The following GPR107 variants were observed in gnomAD, a reference collection of about 807,000 sequenced individuals.
GPR107 encodes the protein protein GPR107.
A neutral mutation model predicts 75.5 loss-of-function variants in GPR107; 31 were observed. The observed-to-expected ratio is 0.41, with a 90% CI of 0.31 to 0.55. The LOEUF (loss-of-function observed/expected upper bound fraction) is 0.55. Among genes scored for constraint, GPR107 ranks in the 20% least tolerant of loss-of-function variants. The pLI, the probability that GPR107 is intolerant of heterozygous loss-of-function variation, is 0.26. For missense variants in GPR107, 572 were observed against 665.7 expected (o/e 0.86, Z 1.55); for synonymous variants, 267 against 251.3 (o/e 1.06, Z -0.59).
chr9:130,102,728 G>A (rs778288983), intron 12 of GPR107, among the ~76,000 whole-genome samples: 2 of 152,178 alleles, frequency 1.3e-5, no homozygotes, highest in Non-Finnish European at 2.9e-5. Context: ...CTCATGCAGT[G>A]TGTGAATTAA....
chr9:130,127,887 G>A (rs1159360595), intron 16 of GPR107, among the ~76,000 whole-genome samples: 1 of 152,110 alleles, frequency 6.6e-6, no homozygotes, highest in East Asian at 1.9e-4. Context: ...TTTTTTAGTA[G>A]AGATGGGGCT....
At chr9:130,130,826 C>T (rs1247230258) in intron 17 of GPR107, among the ~76,000 whole-genome samples, 1 of 150,040 alleles carries the variant, frequency 6.7e-6, no homozygotes, top group Non-Finnish European at 1.5e-5. Flanking sequence ...GCTGAGATCA[C>T]GCCACTGCAC....
chr9:130,134,483 C>G (rs1831903446), intron 17 of GPR107, among the ~76,000 whole-genome samples: 1 of 152,232 alleles, frequency 6.6e-6, no homozygotes, highest in African/African-American at 2.4e-5. Context: ...ATGGCCCAGC[C>G]CCAGCTAGCA....
At chr9:130,110,313 G>A in intron 14 of GPR107, 2 of 1,035,704 alleles carry the variant, frequency 1.9e-6, no homozygotes, top group Non-Finnish European at 1.5e-6. Context: ...TCCTTTAACA[G>A]GAACGCTTTT....
rs989020396 is a variant in GPR107 at position 130,112,584 on chromosome 9, C to T, written c.1306+5045C>T. Among the ~76,000 whole-genome samples the T allele has an allele frequency of 6.6e-6, 1 of 152,148 alleles. No individual in the cohort carries two copies. The highest frequency in any genetic ancestry group is 1.5e-5 in the Non-Finnish European group (1 of 68,038). ...AATAAAACTGTTGATGTGATTAAAT[C>T]TCAACCCTTGCCTTTTAATATTCTG... On this transcript the variant is annotated intron_variant, in intron 14 of 17. Coordinates refer to ENST00000347136, the MANE Select transcript of GPR107 (RefSeq NM_020960.5). The surrounding 1 kb of genome is among the most constrained non-coding windows in gnomAD (Gnocchi z 4.0).
chr9:130,104,964 A>C (rs1298770075), intron 13 of GPR107, among the ~76,000 whole-genome samples: 1 of 152,254 alleles, frequency 6.6e-6, no homozygotes, highest in Non-Finnish European at 1.5e-5. Context: ...CTCAGCACAC[A>C]AACATTTTTG....
chr9:130,109,789 G>A (rs1050145166), intron 14 of GPR107, among the ~76,000 whole-genome samples: 7 of 150,636 alleles, frequency 4.6e-5, no homozygotes, highest in African/African-American at 1.5e-4. Flanking sequence ...CAGGCTGGTC[G>A]CAAACTCCTG....
intron 5 of GPR107, among the ~76,000 whole-genome samples, chr9:130,080,703 G>A (rs1830474063): frequency 6.6e-6 from 1 of 151,142 alleles, no homozygotes; most frequent in Admixed American, 6.6e-5. Context: ...GTGTTAGCTA[G>A]GATGGTCTCG....
rs1831494484 is a variant in GPR107, at chr9:130,119,189, A to G, written c.1307-5726A>G. Among the ~76,000 whole-genome samples, 4 of 152,194 alleles carry G rather than the reference A, an allele frequency of 2.6e-5. No individual in the cohort carries two copies. The South Asian group carries it at 8.3e-4, about 31-fold the overall frequency. On this transcript the variant is annotated intron_variant, in intron 14 of 17. Coordinates refer to ENST00000347136, the MANE Select transcript of GPR107 (RefSeq NM_020960.5). Reference sequence around the variant, plus strand: ...CTGCTCACTGCATCATGCTGGTTTCACCCTGCTCAGAGCGGGCTCCACCCC... The same window carrying G: ...CTGCTCACTGCATCATGCTGGTTTCGCCCTGCTCAGAGCGGGCTCCACCCC...
At chr9:130,059,521 G>A (rs532352754) in intron 1 of GPR107, among the ~76,000 whole-genome samples, 36 of 151,884 alleles carry the variant, frequency 2.4e-4, no homozygotes, top group South Asian at 1.2e-3. Flanking sequence ...CAAATCAAAG[G>A]CATTGCATCA....
chr9:130,062,354 A>G (rs1479604211), intron 1 of GPR107, among the ~76,000 whole-genome samples: 5 of 151,514 alleles, frequency 3.3e-5, no homozygotes, highest in Admixed American at 2.0e-4. Flanking sequence ...CGGAGGTTGC[A>G]GTGAGCTGAG....
At chr9:130,090,546 G>C (rs979985153) in intron 7 of GPR107, among the ~76,000 whole-genome samples, 3 of 152,206 alleles carry the variant, frequency 2.0e-5, no homozygotes, top group Admixed American at 2.0e-4. Context: ...AATGTTCACT[G>C]TAGAAGTGAG....
chr9:130,118,796 C>T (rs1444771938), intron 14 of GPR107, among the ~76,000 whole-genome samples: 4 of 152,202 alleles, frequency 2.6e-5, no homozygotes, highest in Non-Finnish European at 5.9e-5. Context: ...TGCTCACCCC[C>T]ATTAAGAACC....
intron 14 of GPR107, among the ~76,000 whole-genome samples, chr9:130,113,496 G>T (rs1261413260): frequency 6.6e-6 from 1 of 152,152 alleles, no homozygotes. Context: ...CTCCCAAAGT[G>T]CTGGGATTAT....
chr9:130,060,808 C>G (rs1213640527), intron 1 of GPR107, among the ~76,000 whole-genome samples: 5 of 152,136 alleles, frequency 3.3e-5, no homozygotes, highest in Admixed American at 6.5e-5. Flanking sequence ...GACTTTGTGT[C>G]AGCAGCTTAG....
intron 6 of GPR107, among the ~76,000 whole-genome samples, chr9:130,086,041 G>A (rs1209571650): frequency 6.6e-6 from 1 of 152,126 alleles, no homozygotes; most frequent in African/African-American, 2.4e-5. Flanking sequence ...GTGAGCCACT[G>A]TGCCTGGCCA....
intron 7 of GPR107, among the ~76,000 whole-genome samples, chr9:130,088,369 T>C (rs978557851): frequency 1.3e-5 from 2 of 152,206 alleles, no homozygotes; most frequent in African/African-American, 4.8e-5. Context: ...CAACAAAGCT[T>C]CTCTTGTTTG....
intron 1 of GPR107, among the ~76,000 whole-genome samples, chr9:130,059,733 C>CTTTTTTTT (rs61429853): frequency 6.9e-6 from 1 of 144,518 alleles, no homozygotes. Context: ...GTTAATACGT[C>CTTTTTTTT]TTTTTTTTTT....
At chr9:130,084,743 T>A in intron 6 of GPR107, among the ~76,000 whole-genome samples, 1 of 150,956 alleles carries the variant, frequency 6.6e-6, no homozygotes, top group Non-Finnish European at 1.5e-5. Flanking sequence ...GCCACTTCAC[T>A]CTAGCCTGGG....
Sources: allele counts gnomAD v4.1 joint callset (sites outside exome capture counted in the v4.1 genomes callset), GRCh38; gene constraint gnomAD v4.1.1; non-coding constraint Gnocchi (gnomAD v3.1); transcripts MANE v1.5; gene names NCBI Gene and HGNC (gene_info 2026-07-23, HGNC 2026-07-21).